The following MEI4 variants were observed in gnomAD, a reference collection of about 807,000 sequenced individuals.
The protein encoded by MEI4 is meiosis-specific protein MEI4.
A neutral mutation model predicts 31.4 loss-of-function variants in MEI4; 27 were observed. The ratio of observed to expected loss-of-function variants is 0.86; its 90% CI spans 0.63 to 1.19. The LOEUF (loss-of-function observed/expected upper bound fraction) is 1.19. Among genes scored for constraint, MEI4 ranks in the 50% most tolerant of loss-of-function variants. The pLI is 0.00. For missense variants in MEI4, 329 were observed against 398.9 expected, an observed-to-expected ratio of 0.82 and a Z score of 1.49; for synonymous variants, 122 against 145.4, an observed-to-expected ratio of 0.84 and a Z score of 1.16.
chr6:77,865,781 G>C (rs1415834600), intron 4 of MEI4, among the ~76,000 whole-genome samples: 1 of 152,072 alleles, frequency 6.6e-6, no homozygotes, highest in Non-Finnish European at 1.5e-5. Flanking sequence ...AACAAAAAAA[G>C]AGAATTTTAG....
intron 2 of MEI4, among the ~76,000 whole-genome samples, chr6:77,736,780 C>A (rs1444328643): frequency 6.6e-6 from 1 of 152,006 alleles, no homozygotes; most frequent in Admixed American, 6.6e-5. Context: ...TAATTGTACC[C>A]AATGAGACCC....
intron 4 of MEI4, among the ~76,000 whole-genome samples, chr6:77,910,103 A>C (rs752944443): frequency 6.6e-6 from 1 of 152,212 alleles, no homozygotes; most frequent in Non-Finnish European, 1.5e-5. Flanking sequence ...CCAGTATCAT[A>C]CTGAATGGGC....
intron 2 of MEI4, among the ~76,000 whole-genome samples, chr6:77,730,580 T>C (rs897780310): frequency 2.0e-5 from 3 of 151,654 alleles, no homozygotes; most frequent in Non-Finnish European, 4.4e-5. Context: ...TCCCTTTTAA[T>C]TCAGTATTTT....
chr6:77,906,590 T>G (rs1408373215), intron 4 of MEI4, among the ~76,000 whole-genome samples: 1 of 152,196 alleles, frequency 6.6e-6, no homozygotes, highest in Non-Finnish European at 1.5e-5. Context: ...TGTAATTGAA[T>G]AAATCCATTT....
At chr6:77,771,037 C>G (rs1255943031) in intron 3 of MEI4, among the ~76,000 whole-genome samples, 1 of 152,060 alleles carries the variant, frequency 6.6e-6, no homozygotes, top group African/African-American at 2.4e-5. Context: ...TCAATCTGTG[C>G]TCTGACAAAG....
chr6:77,762,982 G>A (rs190402193), intron 3 of MEI4, among the ~76,000 whole-genome samples: 3 of 152,128 alleles, frequency 2.0e-5, no homozygotes, highest in Admixed American at 2.0e-4. Context: ...ACTTTAAGCA[G>A]TCTTTATGTA....
At chr6:77,709,291 A>G (rs1410928826) in intron 2 of MEI4, among the ~76,000 whole-genome samples, 1 of 152,224 alleles carries the variant, frequency 6.6e-6, no homozygotes, top group African/African-American at 2.4e-5. Context: ...TTAAAAATTA[A>G]TACATCACAC....
intron 4 of MEI4, among the ~76,000 whole-genome samples, chr6:77,836,670 T>C (rs1030131169): frequency 3.9e-5 from 6 of 152,108 alleles, no homozygotes; most frequent in Admixed American, 2.6e-4. Context: ...GCATTTTTAA[T>C]AAGATAAAGA....
chr6:77,833,824 C>G (rs1770141068), intron 4 of MEI4, among the ~76,000 whole-genome samples: 1 of 152,114 alleles, frequency 6.6e-6, no homozygotes, highest in African/African-American at 2.4e-5. Context: ...TATGATGTTC[C>G]CCTCCCTGGG....
chr6:77,747,428 A>G (rs1208832620), intron 2 of MEI4, among the ~76,000 whole-genome samples: 1 of 152,198 alleles, frequency 6.6e-6, no homozygotes, highest in Non-Finnish European at 1.5e-5. Context: ...GGAAACGCAC[A>G]GTCATGGTAG....
rs146587804 is a variant in MEI4, at chr6:77,847,953, C to G, written c.900+18891C>G. 3.3e-5 allele frequency among the ~76,000 whole-genome samples: 5 copies of G among 152,080 alleles called. No homozygotes were observed. Among genetic ancestry groups the G allele is most frequent in the Non-Finnish European group, 1.5e-5 (1 of 68,008 alleles). On this transcript the variant is annotated intron_variant, in intron 4 of 4. Transcript: ENST00000684080. This position sits in a 1 kb window ranked among gnomAD's most constrained non-coding sequence, Gnocchi z 4.6. ...GAAAGGAAAAAAGGAAAGGAAAGAA[C>G]GTCGGAATATTTATCTCCTCTTCAC... is the stretch of plus-strand genomic sequence containing the variant.
At chr6:77,701,490 G>A (rs904842100) in intron 2 of MEI4, among the ~76,000 whole-genome samples, 1 of 152,216 alleles carries the variant, frequency 6.6e-6, no homozygotes, top group Middle Eastern at 3.4e-3. Context: ...ATATTCATAG[G>A]AGGGAAGTGG....
chr6:77,871,033 G>A (rs1378519894), intron 4 of MEI4, among the ~76,000 whole-genome samples: 1 of 152,008 alleles, frequency 6.6e-6, no homozygotes, highest in Non-Finnish European at 1.5e-5. Flanking sequence ...TTTCATATTT[G>A]CATGCTTATT....
rs1766773998 is a variant in MEI4, at chr6:77,923,821, T to G, written c.*475T>G. The G allele has an allele frequency of 6.6e-6, 1 of 151,834 alleles. No homozygotes were observed. The highest frequency in any genetic ancestry group is 2.4e-5 in the African/African-American group (1 of 41,416). The allele number at this position is 151,834 out of a possible 1,614,324, so 9.4% of individuals were successfully genotyped here. On this transcript the variant is annotated 3_prime_UTR_variant, in exon 5 of 5. Coordinates refer to ENST00000684080, the MANE Select transcript of MEI4 (RefSeq NM_001322247.2). ...TTTTTCTTACATAGTTGAACTTATA[T>G]CATTGCTTTCACCTTAGACGAGAAT...
At chr6:77,814,072 A>C (rs1769634799) in intron 3 of MEI4, among the ~76,000 whole-genome samples, 1 of 152,116 alleles carries the variant, frequency 6.6e-6, no homozygotes, top group Admixed American at 6.6e-5. Flanking sequence ...AATCAAAGTT[A>C]GATGTACTTA....
At chr6:77,812,434 A>G (rs1769595896) in intron 3 of MEI4, among the ~76,000 whole-genome samples, 1 of 152,104 alleles carries the variant, frequency 6.6e-6, no homozygotes, top group South Asian at 2.1e-4. Context: ...GTTTGAGGAA[A>G]AGGTTAGGAG....
intron 4 of MEI4, among the ~76,000 whole-genome samples, chr6:77,853,657 T>C (rs1770684376): frequency 6.6e-6 from 1 of 152,140 alleles, no homozygotes; most frequent in Non-Finnish European, 1.5e-5. Context: ...TGTGAAAATG[T>C]TGAGGTTTAG....
intron 2 of MEI4, among the ~76,000 whole-genome samples, chr6:77,757,764 C>T (rs1767949152): frequency 6.6e-6 from 1 of 152,150 alleles, no homozygotes; most frequent in Non-Finnish European, 1.5e-5. Context: ...TTAGTGTAGT[C>T]CGTATTTCCC....
chr6:77,924,271 C>T lies in MEI4; in HGVS notation c.*925C>T, dbSNP rs969127519. On this transcript the variant is annotated 3_prime_UTR_variant, in exon 5 of 5. Transcript: ENST00000684080. ...TTATTAATGATATGTGATGGTGTTT[C>T]ATAAGTTAATTAGCATTCCTAAATG... 1 of 151,784 alleles carries T rather than the reference C, an allele frequency of 6.6e-6. No homozygotes were observed. Among genetic ancestry groups the T allele is most frequent in the Non-Finnish European group, 1.5e-5 (1 of 67,862 alleles). 9.4% of individuals were successfully genotyped at this position (151,784 alleles called of 1,614,324 possible). A position where few individuals can be genotyped will look rare whatever the true frequency, so the allele number is the denominator to read the frequency against.
Sources: gnomAD v4.1 joint callset for allele counts (sites outside exome capture counted in the v4.1 genomes callset) on GRCh38, gnomAD v4.1.1 for gene constraint, Gnocchi (gnomAD v3.1) non-coding constraint, MANE v1.5 for transcripts, NCBI Gene and HGNC (gene_info 2026-07-23, HGNC 2026-07-21) for gene names.